The following PKD1L1 variants were observed in gnomAD, a reference collection of about 807,000 sequenced individuals.
The protein encoded by PKD1L1 is polycystin 1 like 1, transient receptor potential channel interacting, also known as polycystin-1-like protein 1.
PKD1L1 carries 236 observed loss-of-function variants against 323.4 expected under a neutral mutation model. That is an observed-to-expected ratio of 0.73 (90% CI 0.66 to 0.81). PKD1L1 has a LOEUF of 0.81. Among genes scored for constraint, PKD1L1 ranks in the 40% least tolerant of loss-of-function variants. The pLI is 0.00. For synonymous variants in PKD1L1, 1,344 were observed against 1,335.0 expected, an observed-to-expected ratio of 1.01 and a Z score of -0.15; for missense variants, 3,320 against 3,508.0, an observed-to-expected ratio of 0.95 and a Z score of 1.35.
rs1202998362 is a variant in PKD1L1, at chr7:47,835,003, G to C, written c.6091C>G (p.Pro2031Ala). ...PGSARVEPHSPLRGGAQTEAP... is the reference protein window; with the variant it reads ...PGSARVEPHSALRGGAQTEAP... ...TCGGTCTGTGCTCCTCCTCTAAGTG[G>C]GCTGTGTGGCTCCACTCGGGCAGAC... Residue 2031 changes from proline to alanine, a missense_variant, in exon 39 of 57, where the codon CCA (proline) becomes GCA (alanine). Pro to Ala is a conservative substitution (Grantham distance 27, BLOSUM62 -1). Coordinates refer to ENST00000289672, the MANE Select transcript of PKD1L1 (RefSeq NM_138295.5). The C allele has an allele frequency of 3.7e-6, 6 of 1,613,788 alleles. No individual in the cohort carries two copies. In the African/African-American group the frequency reaches 8.0e-5, roughly 22 times the overall value.
intron 55 of PKD1L1, among the ~76,000 whole-genome samples, chr7:47,793,750 C>A (rs1028367331): frequency 3.3e-5 from 5 of 152,106 alleles, no homozygotes; most frequent in Admixed American, 6.5e-5. Flanking sequence ...CAGAAGAAGA[C>A]AGGAAAATGT....
chr7:47,803,445 G>A, intron 52 of PKD1L1, 101 bp from the exon 53 acceptor site: 1 of 1,397,466 alleles, frequency 7.2e-7, no homozygotes. Context: ...CATTGGATTT[G>A]ATGATGTTAT....
At chr7:47,777,437 T>C (rs1786595265) in intron 56 of PKD1L1, among the ~76,000 whole-genome samples, 1 of 152,206 alleles carries the variant, frequency 6.6e-6, no homozygotes, top group African/African-American at 2.4e-5. Flanking sequence ...TCCTCCATCC[T>C]GAGGCAAAGC....
chr7:47,920,302 A>C (rs1183308359), intron 7 of PKD1L1, among the ~76,000 whole-genome samples: 3 of 151,472 alleles, frequency 2.0e-5, no homozygotes, highest in Middle Eastern at 3.4e-3. Flanking sequence ...CAAAAACAAA[A>C]AAAAAAAACC....
In PKD1L1 at chr7:47,884,784, A is replaced by T. The variant is rs1786645379; in HGVS notation, c.3206-127T>A. The T allele has an allele frequency of 3.9e-6, 3 of 763,880 alleles. No individual in the cohort carries two copies. In the African/African-American group the frequency reaches 5.2e-5, roughly 13 times the overall value. 47.3% of individuals were successfully genotyped at this position (763,880 alleles called of 1,614,324 possible). A position where few individuals can be genotyped will look rare whatever the true frequency, so the allele number is the denominator to read the frequency against. Reference sequence around the variant, plus strand: ...CTAGACTCCATACATTGCTCTGTGGATTACAAAATACCCTCAGTGGTGGTG... The same window carrying T: ...CTAGACTCCATACATTGCTCTGTGGTTTACAAAATACCCTCAGTGGTGGTG... On this transcript the variant is annotated intron_variant, in intron 18 of 56. Coordinates refer to ENST00000289672, the MANE Select transcript of PKD1L1 (RefSeq NM_138295.5).
At chr7:47,906,707 A>G (rs1787213889) in intron 9 of PKD1L1, among the ~76,000 whole-genome samples, 1 of 152,274 alleles carries the variant, frequency 6.6e-6, no homozygotes, top group African/African-American at 2.4e-5. Context: ...TTTTCTCTTT[A>G]TAAAGAGAAA....
At chr7:47,905,512 C>T (rs547745359) in intron 10 of PKD1L1, among the ~76,000 whole-genome samples, 187 bp from the exon 11 acceptor site, 2 of 152,314 alleles carry the variant, frequency 1.3e-5, no homozygotes, top group African/African-American at 2.4e-5. Context: ...GGCCCTGGTT[C>T]AAAGGCCCCA....
intron 46 of PKD1L1, chr7:47,819,471 T>C (rs765227454): frequency 1.3e-5 from 15 of 1,196,248 alleles, no homozygotes; most frequent in South Asian, 9.0e-5. Flanking sequence ...TCCATTTCCA[T>C]TGAGGACCCA....
At chr7:47,886,945 G>A (rs1225781893) in intron 17 of PKD1L1, among the ~76,000 whole-genome samples, 1 of 151,952 alleles carries the variant, frequency 6.6e-6, no homozygotes, top group African/African-American at 2.4e-5. Context: ...CATATAAATG[G>A]CCTCTCAATA....
intron 26 of PKD1L1, among the ~76,000 whole-genome samples, chr7:47,861,578 C>T (rs866545838): frequency 2.6e-5 from 4 of 152,214 alleles, no homozygotes; most frequent in Middle Eastern, 3.4e-3. Flanking sequence ...GTGAAGTCCT[C>T]GTATGATACA....
chr7:47,923,603 C>T (rs984435232), intron 7 of PKD1L1, among the ~76,000 whole-genome samples: 2 of 151,684 alleles, frequency 1.3e-5, no homozygotes, highest in African/African-American at 4.8e-5. Context: ...CTCAAGCCTG[C>T]TCCCACTCTG....
intron 55 of PKD1L1, among the ~76,000 whole-genome samples, chr7:47,793,100 G>C (rs1786991505): frequency 6.9e-6 from 1 of 143,974 alleles, no homozygotes; most frequent in Non-Finnish European, 1.6e-5. Context: ...GCTGCTATGG[G>C]AAAATAAGGT....
At chr7:47,794,254 TC>T (rs1787021105) in intron 55 of PKD1L1, among the ~76,000 whole-genome samples, 2 of 152,076 alleles carry the variant, frequency 1.3e-5, no homozygotes, top group Non-Finnish European at 2.9e-5. Context: ...CACAGCAGCC[TC>T]TCCCATCATA....
At chr7:47,863,960 G>A (rs1009125540) in intron 26 of PKD1L1, among the ~76,000 whole-genome samples, 7 of 152,180 alleles carry the variant, frequency 4.6e-5, no homozygotes, top group African/African-American at 1.7e-4. Flanking sequence ...GAAAAGTTAG[G>A]TGGAAGCTGG....
At chr7:47,790,479 C>T (rs1407101052) in intron 56 of PKD1L1, among the ~76,000 whole-genome samples, 3 of 151,050 alleles carry the variant, frequency 2.0e-5, no homozygotes, top group African/African-American at 7.3e-5. Flanking sequence ...TACAGGCGCC[C>T]GCCACCATAC....
At chr7:47,843,270 G>C (rs1354733953) in intron 33 of PKD1L1, 101 bp from the exon 34 acceptor site, 1 of 879,096 alleles carries the variant, frequency 1.1e-6, no homozygotes, top group African/African-American at 1.7e-5. Context: ...AAAAGTCCCT[G>C]CTGGGCTTCA....
intron 24 of PKD1L1, among the ~76,000 whole-genome samples, chr7:47,872,919 A>G (rs1786313731): frequency 1.3e-5 from 2 of 152,198 alleles, no homozygotes; most frequent in South Asian, 2.1e-4. Context: ...CCACACATCC[A>G]TCAACTAATT....
chr7:47,858,162 C>A (rs1785946759), intron 27 of PKD1L1, among the ~76,000 whole-genome samples: 2 of 152,136 alleles, frequency 1.3e-5, no homozygotes, highest in Admixed American at 6.5e-5. Flanking sequence ...ACGCCAGAAG[C>A]CTATTCACTT....
At position 47,931,932 on chromosome 7, in the gene PKD1L1, C is replaced by A. The variant is rs375126457; in HGVS notation, c.519+4G>T. On this transcript the variant is annotated splice_donor_region_variant and intron_variant, in intron 5 of 56. Transcript: ENST00000289672. ...AAATTCAATTGCAGGGGTTAGATAC[C>A]AACCTGGAGAAGAGCAGAGAATGTG... 7 of 1,609,552 alleles carry A rather than the reference C, an allele frequency of 4.3e-6. No individual in the cohort carries two copies. The Admixed American group carries it at 6.7e-5, about 15-fold the overall frequency.
Sources: allele counts gnomAD v4.1 joint callset (sites outside exome capture counted in the v4.1 genomes callset), GRCh38; gene constraint gnomAD v4.1.1; transcripts MANE v1.5; gene names NCBI Gene and HGNC (gene_info 2026-07-23, HGNC 2026-07-21).